Variants in FBXL2 observed in about 807,000 individuals in gnomAD.
FBXL2 encodes the protein F-box/LRR-repeat protein 2.
Under a neutral mutation model 69.2 loss-of-function variants are expected in FBXL2, and 38 were observed. The ratio of observed to expected loss-of-function variants is 0.55; its 90% CI spans 0.42 to 0.72. The LOEUF (loss-of-function observed/expected upper bound fraction) is 0.72. Ranked by LOEUF, FBXL2 falls within the 30% of genes least tolerant of loss-of-function variation. The pLI is 0.00. For missense variants in FBXL2, 354 were observed against 520.3 expected (o/e 0.68, Z 3.11); for synonymous variants, 192 against 201.3 (o/e 0.95, Z 0.39).
chr3:33,377,230 C>G, intron 10 of FBXL2, 43 bp from the exon 11 acceptor site: 1 of 1,553,242 alleles, frequency 6.4e-7, no homozygotes, highest in Non-Finnish European at 8.9e-7. Context: ...CCATTATTAA[C>G]TAGTTGGTAC....
downstream of FBXL2, chr3:33,388,125 T>TTTTAGTTAGTTAGTTAG (rs56334405): frequency 3.4e-5 from 5 of 145,830 alleles, no homozygotes; most frequent in African/African-American, 1.3e-4. Flanking sequence ...TCTGGAATAG[T>TTTTAGTTAGTTAGTTAG]TTAGTTAGTT....
intron 13 of FBXL2, among the ~76,000 whole-genome samples, chr3:33,379,524 T>A (rs1559638368): frequency 6.6e-6 from 1 of 150,526 alleles, no homozygotes; most frequent in African/African-American, 2.5e-5. Context: ...CCAGCAAATT[T>A]TTGTATTTTT....
chr3:33,297,802 C>A, intron 2 of FBXL2, 77 bp downstream of exon 2: 1 of 873,710 alleles, frequency 1.1e-6, no homozygotes, highest in Non-Finnish European at 1.9e-6. Flanking sequence ...TTCTTTCTCA[C>A]TGTGAGTCCA....
At chr3:33,318,998 A>G (rs1239532705) in intron 2 of FBXL2, among the ~76,000 whole-genome samples, 7 of 152,220 alleles carry the variant, frequency 4.6e-5, no homozygotes, top group African/African-American at 1.7e-4. Flanking sequence ...AGCAGCTAGC[A>G]GTTTCTAACA....
chr3:33,406,817 T>G (rs190050416), downstream of FBXL2, among the ~76,000 whole-genome samples: 6 of 152,302 alleles, frequency 3.9e-5, 1 homozygote, highest in African/African-American at 1.4e-4. Flanking sequence ...CTGTAGAAAT[T>G]GGCAGTCATC....
intron 10 of FBXL2, among the ~76,000 whole-genome samples, chr3:33,376,430 G>A (rs886069259): frequency 3.3e-5 from 5 of 152,170 alleles, no homozygotes; most frequent in Admixed American, 6.5e-5. Context: ...CTGTTGTAGA[G>A]AAGGTACTAT....
At chr3:33,289,343 A>G (rs2034988107) in intron 1 of FBXL2, among the ~76,000 whole-genome samples, 3 of 152,146 alleles carry the variant, frequency 2.0e-5, no homozygotes, top group Non-Finnish European at 4.4e-5. Flanking sequence ...CTTCCATCAA[A>G]AAGGATAATA....
At chr3:33,420,723 G>A in the FBXL2 span, among the ~76,000 whole-genome samples, 4 of 152,148 alleles carry the variant, frequency 2.6e-5, no homozygotes, top group African/African-American at 7.2e-5. Flanking sequence ...TCTCGACCTC[G>A]TGATCCACCC....
At chr3:33,313,110 C>T (rs1323438104) in intron 2 of FBXL2, among the ~76,000 whole-genome samples, 1 of 142,846 alleles carries the variant, frequency 7.0e-6, no homozygotes, top group Non-Finnish European at 1.5e-5. Flanking sequence ...CAGAGTGAGA[C>T]TCCGTCTCCA....
chr3:33,326,054 G>T (rs928716788), intron 2 of FBXL2, among the ~76,000 whole-genome samples: 3 of 152,082 alleles, frequency 2.0e-5, no homozygotes, highest in African/African-American at 7.2e-5. Context: ...TAAATTCAAA[G>T]GCATGATAGT....
At chr3:33,390,671 A>G (rs113511712), downstream of FBXL2, 3,757 of 391,394 alleles carry the variant, frequency 9.6e-3, 33 homozygotes, top group South Asian at 0.022. Context: ...AGTGCTGTCC[A>G]TAAGGGGAGC....
intron 5 of FBXL2, among the ~76,000 whole-genome samples, chr3:33,372,024 AT>A (rs1280038808): frequency 6.6e-6 from 1 of 152,142 alleles, no homozygotes. Context: ...GTTCATTCTG[AT>A]TCCCTGGCCT....
At chr3:33,282,672 G>C (rs566585495) in intron 1 of FBXL2, among the ~76,000 whole-genome samples, 7 of 152,102 alleles carry the variant, frequency 4.6e-5, no homozygotes, top group South Asian at 4.2e-4. Context: ...ATTCTTCCTA[G>C]CCATGAGCAT....
At chr3:33,384,512 G>T (rs1466795508) in intron 14 of FBXL2, among the ~76,000 whole-genome samples, 1 of 152,152 alleles carries the variant, frequency 6.6e-6, no homozygotes, top group Non-Finnish European at 1.5e-5. Context: ...AGTGAGCCCA[G>T]ACTGCACCAC....
At chr3:33,390,171 G>T, downstream of FBXL2, 1 of 682,226 alleles carries the variant, frequency 1.5e-6, no homozygotes. Context: ...ACAGTGAGGA[G>T]ATTCACCTCT....
chr3:33,328,809 G>GTA (rs1168853375), intron 2 of FBXL2, among the ~76,000 whole-genome samples: 101 of 146,392 alleles, frequency 6.9e-4, no homozygotes, highest in African/African-American at 2.7e-3. Flanking sequence ...GCATGTGTGT[G>GTA]TGTGTGTGTG....
At chr3:33,396,021 T>C (rs1004071522) in intron 12 of FBXL2, 2 of 637,318 alleles carry the variant, frequency 3.1e-6, no homozygotes, top group Non-Finnish European at 5.1e-6. Context: ...CTGCCACCTC[T>C]CATTGCTGTC....
chr3:33,350,815 C>T (rs2040777524), intron 2 of FBXL2, among the ~76,000 whole-genome samples: 1 of 152,104 alleles, frequency 6.6e-6, no homozygotes, highest in African/African-American at 2.4e-5. Flanking sequence ...TTCACCACTC[C>T]TGTTAATCAC....
At chr3:33,376,156 C>CAAAA (rs759277673) in intron 10 of FBXL2, among the ~76,000 whole-genome samples, 2 of 136,570 alleles carry the variant, frequency 1.5e-5, no homozygotes, top group African/African-American at 5.3e-5. Context: ...GACCCCATCT[C>CAAAA]AAAAAAAAAA....
Sources: allele counts gnomAD v4.1 joint callset (sites outside exome capture counted in the v4.1 genomes callset), GRCh38; gene constraint gnomAD v4.1.1; transcripts MANE v1.5; gene names NCBI Gene and HGNC (gene_info 2026-07-23, HGNC 2026-07-21).